The following TEX11 variants were observed in gnomAD, a reference collection of about 807,000 sequenced individuals.
TEX11 encodes testis expressed 11.
In TEX11, 7 loss-of-function variants were observed where a neutral mutation model predicts 84.4. The observed-to-expected ratio is 0.08, with a 90% CI of 0.05 to 0.16. The LOEUF (loss-of-function observed/expected upper bound fraction) is 0.16. TEX11 is among the 10% of genes least tolerant of loss of function. TEX11 has a pLI of 1.00. For missense variants in TEX11, 551 were observed against 660.5 expected (o/e 0.83, Z 1.82); for synonymous variants, 264 against 222.8 (o/e 1.18, Z -1.64).
chrX:70,781,778 A>G (rs957660514), intron 9 of TEX11, among the ~76,000 whole-genome samples: 2 of 111,641 alleles, frequency 1.8e-5, no homozygotes, highest in African/African-American at 6.5e-5. Context: ...AAAAGAGTAA[A>G]AAGAAATGAA....
Position 70,722,683 on chromosome X carries a change from T to C in TEX11, c.939A>G (p.Ile313Met). 6 of 1,193,855 alleles carry C rather than the reference T, an allele frequency of 5.0e-6. No individual in the cohort carries two copies. Among genetic ancestry groups the C allele is most frequent in the Non-Finnish European group, 6.8e-6 (6 of 879,835 alleles). ...NEELLEAVME[I>M]LHLDMPLDFC... is the part of the protein sequence containing the mutation. ...AGTCTAAGGGCATGTCAAGATGTAG[T>C]ATTTCCATGACAGCTAACAAGATGA... The change falls in exon 13 of 30, where the codon ATA becomes ATG. Residue 313 changes from isoleucine (I) to methionine (M), a missense_variant. Transcript: ENST00000374333.
At chrX:70,895,843 C>T (rs1350657987) in intron 2 of TEX11, among the ~76,000 whole-genome samples, 1 of 111,631 alleles carries the variant, frequency 9.0e-6, no homozygotes, top group Non-Finnish European at 1.9e-5. Context: ...AACCGGATCC[C>T]TTCCCTACAC....
intron 9 of TEX11, among the ~76,000 whole-genome samples, chrX:70,781,435 G>A (rs762925099): frequency 2.7e-5 from 3 of 111,776 alleles, no homozygotes; most frequent in East Asian, 2.8e-4. Flanking sequence ...GCTCCTCACC[G>A]GCAATGGAAC....
At chrX:70,567,900 T>A (rs1290184527) in intron 25 of TEX11, among the ~76,000 whole-genome samples, 2 of 111,594 alleles carry the variant, frequency 1.8e-5, no homozygotes, top group East Asian at 5.6e-4. Context: ...GGGTGAAGAG[T>A]TCTGTAGATG....
chrX:70,591,605 A>G, intron 25 of TEX11, 146 bp downstream of exon 25: 8 of 453,098 alleles, frequency 1.8e-5, no homozygotes, highest in Admixed American at 3.8e-5. Context: ...CCTGACTCGA[A>G]AAAACAAACA....
chrX:70,793,678 T>C (rs1385415832), intron 9 of TEX11, among the ~76,000 whole-genome samples: 1 of 111,490 alleles, frequency 9.0e-6, no homozygotes, highest in Non-Finnish European at 1.9e-5. Context: ...AATTAAACCT[T>C]TTTTCTTATA....
At chrX:70,865,041 T>C (rs2091591811) in intron 4 of TEX11, among the ~76,000 whole-genome samples, 1 of 111,123 alleles carries the variant, frequency 9.0e-6, no homozygotes, top group African/African-American at 3.3e-5. Flanking sequence ...AATTCACACA[T>C]AACAATATTA....
intron 13 of TEX11, among the ~76,000 whole-genome samples, chrX:70,716,875 G>A (rs186802305): frequency 4.5e-5 from 5 of 112,326 alleles, no homozygotes; most frequent in South Asian, 3.7e-4. Context: ...CGTCGCTCAC[G>A]CTGGGAGCTG....
chrX:70,872,693 G>T (rs772564742), intron 4 of TEX11, among the ~76,000 whole-genome samples: 135 of 111,796 alleles, frequency 1.2e-3, no homozygotes, highest in African/African-American at 4.2e-3. Flanking sequence ...TGGTTTTTTT[G>T]TTCTTGTTGT....
the TEX11 span, among the ~76,000 whole-genome samples, chrX:70,518,784 C>A: frequency 9.0e-6 from 1 of 111,139 alleles, no homozygotes; most frequent in African/African-American, 3.3e-5. Flanking sequence ...TAAGGACTTG[C>A]TTTATGAATC....
chrX:70,760,986 G>A (rs755442720), intron 9 of TEX11, among the ~76,000 whole-genome samples: 17 of 112,351 alleles, frequency 1.5e-4, no homozygotes, highest in African/African-American at 5.5e-4. Flanking sequence ...AAACATTTAT[G>A]CAGCGAACAG....
chrX:70,862,971 C>A (rs907602834), intron 4 of TEX11, among the ~76,000 whole-genome samples: 3 of 109,548 alleles, frequency 2.7e-5, no homozygotes, highest in Non-Finnish European at 5.7e-5. Flanking sequence ...CAACACAGTG[C>A]GACAAAGCGG....
chrX:70,803,160 T>G (rs892255887), intron 9 of TEX11, among the ~76,000 whole-genome samples: 1 of 111,907 alleles, frequency 8.9e-6, no homozygotes, highest in Admixed American at 9.5e-5. Flanking sequence ...ACAAAAAAAC[T>G]CTTAAATATA....
downstream of TEX11, among the ~76,000 whole-genome samples, chrX:70,527,610 C>T (rs946130113): frequency 1.8e-5 from 2 of 111,144 alleles, no homozygotes; most frequent in Non-Finnish European, 3.8e-5. Context: ...AAGGACTTTA[C>T]TAAGTTAATC....
intron 28 of TEX11, among the ~76,000 whole-genome samples, chrX:70,545,567 C>T (rs2088111905): frequency 9.0e-6 from 1 of 111,088 alleles, no homozygotes; most frequent in Non-Finnish European, 1.9e-5. Flanking sequence ...CCTGAAGCTG[C>T]CTTACAGTTT....
intron 18 of TEX11, among the ~76,000 whole-genome samples, chrX:70,625,822 G>A (rs192187740): frequency 4.6e-4 from 47 of 102,920 alleles, no homozygotes; most frequent in Non-Finnish European, 8.1e-4. Flanking sequence ...CACCCAGGCT[G>A]AAGCAACCTC....
chrX:70,541,476 G>A (rs767702947), intron 28 of TEX11, among the ~76,000 whole-genome samples: 26 of 111,442 alleles, frequency 2.3e-4, no homozygotes, highest in South Asian at 1.1e-3. Context: ...TTTTGTTATC[G>A]TTGGGGGAAA....
chrX:70,554,347 T>C (rs973095253), intron 26 of TEX11, among the ~76,000 whole-genome samples: 8 of 111,899 alleles, frequency 7.1e-5, no homozygotes, highest in African/African-American at 2.3e-4. Flanking sequence ...ATAATTAAAT[T>C]CCACACAGAA....
At chrX:70,629,877 G>A in intron 17 of TEX11, 142 bp from the exon 18 acceptor site, 1 of 497,833 alleles carries the variant, frequency 2.0e-6, no homozygotes, top group Non-Finnish European at 3.1e-6. Context: ...AATGTGAGTT[G>A]CTAAGCTTTC....
Sources: allele counts gnomAD v4.1 joint callset (sites outside exome capture counted in the v4.1 genomes callset), GRCh38; gene constraint gnomAD v4.1.1; transcripts MANE v1.5; gene names NCBI Gene and HGNC (gene_info 2026-07-23, HGNC 2026-07-21).